Variants in WSCD2 observed in about 807,000 individuals in gnomAD.
WSCD2 encodes WSC domain sialate O sulfotransferase 2.
A neutral mutation model predicts 55.7 loss-of-function variants in WSCD2; 28 were observed. That is an observed-to-expected ratio of 0.50 (90% confidence interval 0.37 to 0.69). The LOEUF (loss-of-function observed/expected upper bound fraction) is 0.69. Among genes scored for constraint, WSCD2 ranks in the 30% least tolerant of loss-of-function variants. The pLI, the probability that WSCD2 is intolerant of heterozygous loss-of-function variation, is 0.00. For missense variants in WSCD2, 616 were observed against 762.1 expected (o/e 0.81, Z 2.26); for synonymous variants, 301 against 301.9 (o/e 1.00, Z 0.03).
intron 1 of WSCD2, among the ~76,000 whole-genome samples, chr12:108,174,939 A>G (rs1035413687): frequency 8.5e-5 from 13 of 152,188 alleles, no homozygotes; most frequent in Non-Finnish European, 2.9e-5. Flanking sequence ...AGCTTCTAAA[A>G]TGGAAATGTG....
rs372178046 is a variant in WSCD2 at position 108,204,127 on chromosome 12, T to G, written c.383-2162T>G. ...GGGTTCATAAGAAGTTTGTGAAGATTGAATTTTTAAAAAATGAGACATGGC... is the reference window on the plus strand; with the variant it reads ...GGGTTCATAAGAAGTTTGTGAAGATGGAATTTTTAAAAAATGAGACATGGC... On this transcript the variant is annotated intron_variant, in intron 2 of 8. Coordinates refer to ENST00000547525, the MANE Select transcript of WSCD2 (RefSeq NM_014653.4). Among the ~76,000 whole-genome samples, 418 of 152,302 alleles carry G rather than the reference T, an allele frequency of 2.7e-3. 1 individual carries two copies. Among genetic ancestry groups the G allele is most frequent in the African/African-American group, 9.1e-3 (380 of 41,564 alleles).
intron 1 of WSCD2, among the ~76,000 whole-genome samples, chr12:108,158,922 C>G (rs1592904737): frequency 6.6e-6 from 1 of 152,172 alleles, no homozygotes; most frequent in African/African-American, 2.4e-5. Flanking sequence ...GATGCTTGTA[C>G]CTTCTCCTCT....
chr12:108,238,615 C>A lies in WSCD2; in HGVS notation c.1145-1729C>A, dbSNP rs139892506. On this transcript the variant is annotated intron_variant, in intron 7 of 8. Transcript: ENST00000547525. ...GTGTTACTGTGGGCTTCATTGACTT[C>A]TCACAATGGCCTTGTGAGGGAGAAA... Among the ~76,000 whole-genome samples the A allele has an allele frequency of 1.6e-4, 24 of 152,334 alleles. No individual in the cohort carries two copies. The East Asian group carries it at 4.4e-3, about 28-fold the overall frequency.
chr12:108,206,538 G>GGT, intron 3 of WSCD2, 135 bp downstream of exon 3: 2 of 800,516 alleles, frequency 2.5e-6, no homozygotes, highest in Admixed American at 4.5e-5. Context: ...TTGACGCAAG[G>GGT]GTGTGTGTGC....
At chr12:108,229,930 T>C (rs1329861325) in intron 6 of WSCD2, among the ~76,000 whole-genome samples, 1 of 151,982 alleles carries the variant, frequency 6.6e-6, no homozygotes, top group Non-Finnish European at 1.5e-5. Flanking sequence ...AACACATATA[T>C]ACTCATTCCA....
intron 1 of WSCD2, among the ~76,000 whole-genome samples, chr12:108,159,374 C>T (rs575147230): frequency 3.3e-4 from 50 of 152,320 alleles, no homozygotes; most frequent in Non-Finnish European, 6.3e-4. Flanking sequence ...CACAACAGCT[C>T]TGTGAGACAG....
At chr12:108,194,796 A>G (rs775315112) in intron 1 of WSCD2, among the ~76,000 whole-genome samples, 1 of 152,144 alleles carries the variant, frequency 6.6e-6, no homozygotes, top group Non-Finnish European at 1.5e-5. Flanking sequence ...AATTTCCAGC[A>G]CCTAGGACAG....
At chr12:108,150,886 A>G (rs1240587803) in intron 1 of WSCD2, among the ~76,000 whole-genome samples, 1 of 152,026 alleles carries the variant, frequency 6.6e-6, no homozygotes, top group African/African-American at 2.4e-5. Flanking sequence ...AGCCTTCAGG[A>G]GCCAGCCTCC....
intron 4 of WSCD2, among the ~76,000 whole-genome samples, chr12:108,221,695 A>C (rs1834592): frequency 0.69 from 104,203 of 151,728 alleles, 36,206 homozygotes; most frequent in East Asian, 0.87. Context: ...CTGGCCCCAA[A>C]CTTTCAAGTG....
intron 1 of WSCD2, among the ~76,000 whole-genome samples, chr12:108,130,541 G>C (rs895068462): frequency 2.0e-5 from 3 of 151,328 alleles, no homozygotes; most frequent in African/African-American, 7.3e-5. Flanking sequence ...GAGGGAACTA[G>C]AGACTAGGGG....
chr12:108,196,325 T>C (rs1379098654), intron 2 of WSCD2, 111 bp downstream of exon 2: 29 of 1,393,822 alleles, frequency 2.1e-5, no homozygotes, highest in South Asian at 7.5e-5. Flanking sequence ...AGCTGTCATA[T>C]CATTGTAGCT....
chr12:108,171,059 C>T (rs1480242732), intron 1 of WSCD2, among the ~76,000 whole-genome samples: 2 of 152,176 alleles, frequency 1.3e-5, no homozygotes, highest in African/African-American at 2.4e-5. Context: ...AAATGAATCG[C>T]TGGGTACCTG....
chr12:108,177,746 G>A (rs1436352428), intron 1 of WSCD2, among the ~76,000 whole-genome samples: 2 of 152,050 alleles, frequency 1.3e-5, no homozygotes, highest in African/African-American at 4.8e-5. Flanking sequence ...AAATAGTGAG[G>A]CCCCATTTCT....
chr12:108,213,132 T>C (rs1379709839), intron 4 of WSCD2, among the ~76,000 whole-genome samples: 1 of 152,216 alleles, frequency 6.6e-6, no homozygotes, highest in Non-Finnish European at 1.5e-5. Context: ...GGATGAGGTA[T>C]GGAGAGGCTC....
At chr12:108,178,237 G>T (rs776170073) in intron 1 of WSCD2, among the ~76,000 whole-genome samples, 1 of 152,038 alleles carries the variant, frequency 6.6e-6, no homozygotes, top group Non-Finnish European at 1.5e-5. Flanking sequence ...TCTTCATAGC[G>T]TCTTCCCTCT....
intron 7 of WSCD2, among the ~76,000 whole-genome samples, chr12:108,239,097 C>G (rs1889500831): frequency 6.6e-6 from 1 of 152,178 alleles, no homozygotes; most frequent in Admixed American, 6.5e-5. Flanking sequence ...TAAGGGTTCT[C>G]CAGTCTTTCT....
At chr12:108,173,426 C>G (rs1880437898) in intron 1 of WSCD2, among the ~76,000 whole-genome samples, 1 of 152,162 alleles carries the variant, frequency 6.6e-6, no homozygotes. Context: ...GACGTGAAGG[C>G]TCTTGAATTA....
chr12:108,166,761 T>TTTCTCTTTCTTTCTTTC (rs10680980), intron 1 of WSCD2, among the ~76,000 whole-genome samples: 3 of 124,820 alleles, frequency 2.4e-5, no homozygotes, highest in African/African-American at 9.2e-5. Context: ...TCTTTCTTTC[T>TTTCTCTTTCTTTCTTTC]TTTCTTTCTT....
At chr12:108,229,922 C>T (rs905996209) in intron 6 of WSCD2, among the ~76,000 whole-genome samples, 4 of 150,204 alleles carry the variant, frequency 2.7e-5, no homozygotes, top group Admixed American at 2.6e-4. Context: ...ATGCAGTGAA[C>T]ACATATATAC....
Sources: allele counts gnomAD v4.1 joint callset (sites outside exome capture counted in the v4.1 genomes callset), GRCh38; gene constraint gnomAD v4.1.1; transcripts MANE v1.5; gene names NCBI Gene and HGNC (gene_info 2026-07-23, HGNC 2026-07-21).